The following MACROD1 variants were observed in gnomAD, a reference collection of about 807,000 sequenced individuals.
The protein encoded by MACROD1 is mono-ADP ribosylhydrolase 1.
Under a neutral mutation model 41.4 loss-of-function variants are expected in MACROD1, and 31 were observed. That is an observed-to-expected ratio of 0.75 (90% confidence interval 0.56 to 1.01). The LOEUF (loss-of-function observed/expected upper bound fraction) is 1.01, where lower values mean the gene tolerates loss of function less well. Ranked by LOEUF, MACROD1 falls within the 50% of genes least tolerant of loss-of-function variation. The probability of loss-of-function intolerance (pLI) is 0.00; values close to 1 mark genes in which losing one functional copy is unlikely to be tolerated. For missense variants in MACROD1, 473 were observed against 460.0 expected (o/e 1.03, Z -0.26); for synonymous variants, 252 against 203.4 (o/e 1.24, Z -2.03).
rs571170684 is a variant in MACROD1, at chr11:64,146,136, A to G, written c.517+5103T>C. Among the ~76,000 whole-genome samples, 1 of 152,312 alleles carries G rather than the reference A, an allele frequency of 6.6e-6. No individual in the cohort carries two copies. Among genetic ancestry groups the G allele is most frequent in the African/African-American group, 2.4e-5 (1 of 41,564 alleles). ...AGGACTCTGCTATCTGTCAGGAACA[A>G]GAAGTCCACACACACAGGTCTGGTG... On this transcript the variant is annotated intron_variant, in intron 3 of 10. Coordinates refer to ENST00000255681, the MANE Select transcript of MACROD1 (RefSeq NM_014067.4). This position sits in a 1 kb window ranked among gnomAD's most constrained non-coding sequence, Gnocchi z 4.7.
At chr11:64,062,719 C>T (rs1276318638) in intron 3 of MACROD1, among the ~76,000 whole-genome samples, 3 of 152,200 alleles carry the variant, frequency 2.0e-5, no homozygotes, top group East Asian at 3.8e-4. Context: ...CGTCCTGCCC[C>T]GCGCAGCCTG....
At chr11:64,048,204 C>T (rs1011687636) in intron 3 of MACROD1, among the ~76,000 whole-genome samples, 2 of 152,216 alleles carry the variant, frequency 1.3e-5, no homozygotes, top group Non-Finnish European at 2.9e-5. Context: ...TTGTGAGAGC[C>T]GGGGGCCTTC....
intron 4 of MACROD1, among the ~76,000 whole-genome samples, chr11:64,011,080 G>A (rs1373007018): frequency 6.7e-6 from 1 of 149,850 alleles, no homozygotes; most frequent in African/African-American, 2.5e-5. Context: ...GTGTTGAAGT[G>A]TTGGCTGGGG....
intron 3 of MACROD1, chr11:64,116,504 C>A (rs1944984668): frequency 6.2e-7 from 1 of 1,613,906 alleles, no homozygotes; most frequent in Non-Finnish European, 8.5e-7. Flanking sequence ...CCGCAGATAT[C>A]CCTGATGATG....
At chr11:64,087,531 A>C (rs1212364373) in intron 3 of MACROD1, among the ~76,000 whole-genome samples, 1 of 152,198 alleles carries the variant, frequency 6.6e-6, no homozygotes, top group Non-Finnish European at 1.5e-5. Context: ...CTGGGCTTGG[A>C]GGCAAGCACG....
chr11:64,119,735 C>A (rs1945063884), intron 3 of MACROD1, among the ~76,000 whole-genome samples: 1 of 152,168 alleles, frequency 6.6e-6, no homozygotes, highest in South Asian at 2.1e-4. Context: ...AGGGCCCTGA[C>A]TGGGACCCTC....
At chr11:64,046,799 T>TGGCCC (rs1240434309) in intron 3 of MACROD1, among the ~76,000 whole-genome samples, 2 of 152,182 alleles carry the variant, frequency 1.3e-5, no homozygotes, top group Admixed American at 6.5e-5. Flanking sequence ...GCGCCTGGCC[T>TGGCCC]GGCCCGTTCT....
intron 3 of MACROD1, among the ~76,000 whole-genome samples, chr11:64,069,425 C>G (rs1793364857): frequency 1.3e-5 from 2 of 152,340 alleles, no homozygotes; most frequent in South Asian, 4.1e-4. Flanking sequence ...CTCAGGGACC[C>G]TGGGGGTCTT....
chr11:64,007,828 C>T (rs1942938384), intron 4 of MACROD1, among the ~76,000 whole-genome samples: 1 of 152,196 alleles, frequency 6.6e-6, no homozygotes, highest in Non-Finnish European at 1.5e-5. Flanking sequence ...CCAGCCCTTC[C>T]GGCTGCCTGC....
chr11:64,059,600 C>T (rs1336537431), intron 3 of MACROD1, among the ~76,000 whole-genome samples: 1 of 152,144 alleles, frequency 6.6e-6, no homozygotes, highest in African/African-American at 2.4e-5. Context: ...TGTGTGCCTC[C>T]GCAGGGGTCT....
chr11:64,105,037 C>G (rs1246907742), intron 3 of MACROD1, among the ~76,000 whole-genome samples: 1 of 152,256 alleles, frequency 6.6e-6, no homozygotes, highest in Non-Finnish European at 1.5e-5. Context: ...TATGATTGCA[C>G]CAGGGCCTGG....
chr11:64,039,166 G>A (rs1044669607), intron 3 of MACROD1, among the ~76,000 whole-genome samples: 3 of 152,178 alleles, frequency 2.0e-5, no homozygotes, highest in Non-Finnish European at 4.4e-5. Flanking sequence ...GGGAGCTGGA[G>A]GGCTTTTGCT....
intron 3 of MACROD1, chr11:64,117,075 G>C: frequency 6.2e-7 from 1 of 1,601,966 alleles, no homozygotes; most frequent in Non-Finnish European, 8.5e-7. Flanking sequence ...CCTGCCCAGC[G>C]CCCACCTGCA....
chr11:64,009,627 C>G (rs774668279), intron 4 of MACROD1, among the ~76,000 whole-genome samples: 22 of 152,066 alleles, frequency 1.4e-4, no homozygotes, highest in Non-Finnish European at 3.2e-4. Flanking sequence ...GCATTGCCAG[C>G]ACCATCTAGT....
intron 3 of MACROD1, among the ~76,000 whole-genome samples, chr11:64,106,414 G>A (rs1944764374): frequency 6.6e-6 from 1 of 152,166 alleles, no homozygotes; most frequent in African/African-American, 2.4e-5. Flanking sequence ...GATGTTTACT[G>A]AGCACTTTCT....
intron 3 of MACROD1, among the ~76,000 whole-genome samples, chr11:64,019,303 G>T (rs954740385): frequency 1.3e-5 from 2 of 152,094 alleles, no homozygotes; most frequent in African/African-American, 2.4e-5. Context: ...CCTTGGGGTG[G>T]CACCCCTCAA....
At chr11:64,058,005 C>G (rs1017096402) in intron 3 of MACROD1, among the ~76,000 whole-genome samples, 1 of 152,250 alleles carries the variant, frequency 6.6e-6, no homozygotes, top group East Asian at 1.9e-4. Context: ...CCTGGGACAG[C>G]TGGCCTGCCA....
intron 3 of MACROD1, among the ~76,000 whole-genome samples, chr11:64,026,184 AAAAC>A (rs1045538475): frequency 5.9e-5 from 9 of 152,074 alleles, no homozygotes; most frequent in African/African-American, 9.7e-5. Flanking sequence ...TTATCTCGGG[AAAAC>A]AAACAAACAA....
intron 3 of MACROD1, among the ~76,000 whole-genome samples, chr11:64,135,279 G>A (rs1378716240): frequency 2.6e-5 from 4 of 152,294 alleles, no homozygotes; most frequent in East Asian, 1.9e-4. Context: ...GCCTCAGGCC[G>A]GCCCTCCCAC....
Sources: gnomAD v4.1 joint callset for allele counts (sites outside exome capture counted in the v4.1 genomes callset) on GRCh38, gnomAD v4.1.1 for gene constraint, Gnocchi (gnomAD v3.1) non-coding constraint, MANE v1.5 for transcripts, NCBI Gene and HGNC (gene_info 2026-07-23, HGNC 2026-07-21) for gene names.